NAALADL2: variants seen among roughly 807,000 people sequenced by gnomAD.
NAALADL2 encodes the protein inactive N-acetylated-alpha-linked acidic dipeptidase-like protein 2.
A neutral mutation model predicts 87.2 loss-of-function variants in NAALADL2; 76 were observed. The ratio of observed to expected loss-of-function variants is 0.87; its 90% CI spans 0.72 to 1.05. The LOEUF is 1.05. Among genes scored for constraint, NAALADL2 ranks in the 50% least tolerant of loss-of-function variants. The pLI is 0.00. For missense variants in NAALADL2, 1,089 were observed against 945.8 expected (o/e 1.15, Z -1.99); for synonymous variants, 354 against 331.0 (o/e 1.07, Z -0.75).
chr3:175,730,743 C>A (rs1187897542), intron 11 of NAALADL2, among the ~76,000 whole-genome samples: 1 of 151,746 alleles, frequency 6.6e-6, no homozygotes, highest in African/African-American at 2.4e-5. Context: ...ATTTTTAGTT[C>A]TTTACAGTTT....
At chr3:174,734,101 C>T (rs114998068) in intron 2 of NAALADL2, among the ~76,000 whole-genome samples, 2,093 of 152,216 alleles carry the variant, frequency 0.014, 12 homozygotes, top group Middle Eastern at 0.02. Context: ...TGAGGGGGAG[C>T]AGAAACCCAC....
chr3:175,701,361 T>C (rs1738971021), intron 11 of NAALADL2, among the ~76,000 whole-genome samples: 1 of 152,168 alleles, frequency 6.6e-6, no homozygotes, highest in Non-Finnish European at 1.5e-5. Context: ...TTGGTTTGGC[T>C]TTTTTAACTG....
chr3:175,433,104 C>G (rs1385582208), intron 5 of NAALADL2, among the ~76,000 whole-genome samples: 1 of 152,022 alleles, frequency 6.6e-6, no homozygotes, highest in Non-Finnish European at 1.5e-5. Flanking sequence ...TCTCCCAGCT[C>G]TTCTGGTTTG....
rs192720020 is a variant in NAALADL2 at position 175,276,672 on chromosome 3, G to T, written c.939+20142G>T. ...AGAAAGTAATTTTCACAAGTCATGTGAAAATCACTAAGCAGAAGTGAAAAC... is the reference window on the plus strand; with the variant it reads ...AGAAAGTAATTTTCACAAGTCATGTTAAAATCACTAAGCAGAAGTGAAAAC... On this transcript the variant is annotated intron_variant, in intron 4 of 13. Coordinates refer to ENST00000454872, the MANE Select transcript of NAALADL2 (RefSeq NM_207015.3). Among the ~76,000 whole-genome samples, 200 of 152,230 alleles carry T rather than the reference G, an allele frequency of 1.3e-3. 1 individual carries two copies. Among genetic ancestry groups the T allele is most frequent in the Admixed American group, 3.4e-3 (52 of 15,296 alleles).
intron 2 of NAALADL2, among the ~76,000 whole-genome samples, chr3:175,160,799 G>A (rs886671345): frequency 9.2e-5 from 14 of 151,864 alleles, no homozygotes; most frequent in Non-Finnish European, 1.8e-4. Flanking sequence ...TCACCATTTC[G>A]GGAGATATCA....
chr3:175,679,277 TAAAA>T (rs77297220), intron 11 of NAALADL2, among the ~76,000 whole-genome samples: 37 of 132,160 alleles, frequency 2.8e-4, no homozygotes, highest in African/African-American at 9.4e-4. Context: ...AAAGTATAGT[TAAAA>T]AAAAAAAAAA....
intron 6 of NAALADL2, among the ~76,000 whole-genome samples, chr3:175,452,619 C>G (rs1721747707): frequency 6.6e-6 from 1 of 151,996 alleles, no homozygotes; most frequent in South Asian, 2.1e-4. Flanking sequence ...GAACTCTTTA[C>G]GAAGAACTGA....
intron 2 of NAALADL2, among the ~76,000 whole-genome samples, chr3:174,577,212 T>A (rs955630341): frequency 1.3e-5 from 2 of 152,082 alleles, no homozygotes; most frequent in African/African-American, 2.4e-5. Context: ...TCAAAAATAA[T>A]TTTCTCCTCT....
chr3:174,907,710 G>A (rs1458093913), intron 1 of NAALADL2, among the ~76,000 whole-genome samples: 5 of 152,036 alleles, frequency 3.3e-5, no homozygotes, highest in Admixed American at 1.3e-4. Context: ...CAAAACATTG[G>A]TGGTGTTCAT....
At chr3:174,519,906 A>T (rs1333240870) in intron 1 of NAALADL2, among the ~76,000 whole-genome samples, 1 of 152,162 alleles carries the variant, frequency 6.6e-6, no homozygotes, top group African/African-American at 2.4e-5. Context: ...GAAAAAGTTG[A>T]AAGCATTTAA....
intron 1 of NAALADL2, among the ~76,000 whole-genome samples, chr3:174,921,243 T>C (rs1735138745): frequency 6.6e-6 from 1 of 152,172 alleles, no homozygotes; most frequent in Non-Finnish European, 1.5e-5. Context: ...AAAGTGAAGT[T>C]CAATAAAATG....
intron 1 of NAALADL2, among the ~76,000 whole-genome samples, chr3:174,467,775 A>G (rs970806753): frequency 1.3e-5 from 2 of 152,102 alleles, no homozygotes; most frequent in Non-Finnish European, 2.9e-5. Context: ...AAACTGCAAA[A>G]CAATATGTAT....
At chr3:175,531,483 T>G (rs4640575) in intron 9 of NAALADL2, among the ~76,000 whole-genome samples, 17,002 of 152,216 alleles carry the variant, frequency 0.11, 1,601 homozygotes, top group African/African-American at 0.26. Flanking sequence ...GCTCACTGGA[T>G]CCAATCAGCA....
intron 2 of NAALADL2, among the ~76,000 whole-genome samples, chr3:174,605,494 A>G (rs1164668531): frequency 6.6e-6 from 1 of 152,182 alleles, no homozygotes; most frequent in Non-Finnish European, 1.5e-5. Flanking sequence ...GGGCTTAAAA[A>G]ACGGTGCACC....
At chr3:174,545,654 T>A (rs536015941) in intron 1 of NAALADL2, among the ~76,000 whole-genome samples, 1 of 151,970 alleles carries the variant, frequency 6.6e-6, no homozygotes, top group East Asian at 1.9e-4. Context: ...AGCTTGGTAT[T>A]TTTTTTGTTT....
intron 5 of NAALADL2, among the ~76,000 whole-genome samples, chr3:175,372,318 G>A (rs1766609333): frequency 1.3e-5 from 2 of 152,334 alleles, no homozygotes; most frequent in African/African-American, 4.8e-5. Flanking sequence ...ATGCATGTCT[G>A]TGCATTCTCT....
rs939477647 is a variant in NAALADL2 at position 175,182,482 on chromosome 3, G to A, written c.546-51449G>A. 2.0e-5 allele frequency among the ~76,000 whole-genome samples: 3 copies of A among 150,560 alleles called. No homozygotes were observed. In the South Asian group the frequency reaches 6.3e-4, roughly 32 times the overall value. ...AGCTCACTGCAACCTTGTTCTCCTGGGCTCAAGCAGCCCTTCCAACTGAGC... is the reference window on the plus strand; with the variant it reads ...AGCTCACTGCAACCTTGTTCTCCTGAGCTCAAGCAGCCCTTCCAACTGAGC... On this transcript the variant is annotated intron_variant, in intron 2 of 13. Coordinates refer to ENST00000454872, the MANE Select transcript of NAALADL2 (RefSeq NM_207015.3).
rs548419576 is a variant in NAALADL2, at chr3:175,031,264, A to T, written c.44-65526A>T. Among the ~76,000 whole-genome samples the T allele has an allele frequency of 3.9e-5, 6 of 151,960 alleles. No individual in the cohort carries two copies. In the East Asian group the frequency reaches 1.2e-3, roughly 29 times the overall value. On this transcript the variant is annotated intron_variant, in intron 1 of 13. Coordinates refer to ENST00000454872, the MANE Select transcript of NAALADL2 (RefSeq NM_207015.3). ...CCTGGTACCCAATAGGTAATTTTTC[A>T]ACCCTTGCCTCCCTCCTTCCATACT...
chr3:175,570,610 G>C (rs1447481843), intron 9 of NAALADL2, among the ~76,000 whole-genome samples: 1 of 152,118 alleles, frequency 6.6e-6, no homozygotes, highest in African/African-American at 2.4e-5. Context: ...GCTGGGCGAG[G>C]TGGCTTACAC....
Sources: gnomAD v4.1 joint callset for allele counts (sites outside exome capture counted in the v4.1 genomes callset) on GRCh38, gnomAD v4.1.1 for gene constraint, MANE v1.5 for transcripts, NCBI Gene and HGNC (gene_info 2026-07-23, HGNC 2026-07-21) for gene names.